ITFG1: variants seen among roughly 807,000 people sequenced by gnomAD.
ITFG1 encodes the protein integrin alpha FG-GAP repeat containing 1, also known as T-cell immunomodulatory protein.
In ITFG1, 34 loss-of-function variants were observed where a neutral mutation model predicts 81.8. The observed-to-expected ratio is 0.42, with a 90% CI of 0.32 to 0.55. The LOEUF is 0.55. Ranked by LOEUF, ITFG1 falls within the 20% of genes least tolerant of loss-of-function variation. The pLI is 0.17. For missense variants in ITFG1, 672 were observed against 755.4 expected (o/e 0.89, Z 1.29); for synonymous variants, 285 against 270.6 (o/e 1.05, Z -0.52).
intron 13 of ITFG1, among the ~76,000 whole-genome samples, chr16:47,219,965 G>A (rs944635565): frequency 6.6e-6 from 1 of 152,214 alleles, no homozygotes; most frequent in Non-Finnish European, 1.5e-5. Flanking sequence ...GTGGAAAGAT[G>A]AATATTACGC....
intron 6 of ITFG1, among the ~76,000 whole-genome samples, chr16:47,408,037 T>A (rs34535698): frequency 6.6e-6 from 1 of 152,004 alleles, no homozygotes; most frequent in Non-Finnish European, 1.5e-5. Flanking sequence ...GAAATTCCAC[T>A]GCATTTTAAA....
In ITFG1 at chr16:47,269,920, AG is replaced by A. The variant is rs1966319439; in HGVS notation, c.1071-9226del. 2.0e-5 allele frequency among the ~76,000 whole-genome samples: 3 copies of A among 152,358 alleles called. No individual in the cohort carries two copies. The South Asian group carries it at 6.2e-4, about 32-fold the overall frequency. On this transcript the variant is annotated intron_variant, in intron 10 of 17. Coordinates refer to ENST00000320640, the MANE Select transcript of ITFG1 (RefSeq NM_030790.5). ...GTAATCAAGTGTGGTACTGCCACAAAGATGGACAATAGATCATGGGAACAGA... is the reference window on the plus strand; with the variant it reads ...GTAATCAAGTGTGGTACTGCCACAAAATGGACAATAGATCATGGGAACAGA...
At chr16:47,220,364 G>A (rs1331328883) in intron 13 of ITFG1, among the ~76,000 whole-genome samples, 1 of 152,226 alleles carries the variant, frequency 6.6e-6, no homozygotes, top group African/African-American at 2.4e-5. Context: ...AAACAAAGAC[G>A]TGGGTAATTA....
At chr16:47,452,649 A>G (rs1969403399) in intron 4 of ITFG1, 84 bp downstream of exon 4, 3 of 849,750 alleles carry the variant, frequency 3.5e-6, no homozygotes, top group African/African-American at 1.8e-5. Flanking sequence ...TATTTTTATT[A>G]CTAAGCAAAG....
At position 47,215,677 on chromosome 16, in the gene ITFG1, G is replaced by A. The variant is rs192830171; in HGVS notation, c.1453+3191C>T. Among the ~76,000 whole-genome samples, 1,063 of 152,110 alleles carry A rather than the reference G, an allele frequency of 7.0e-3. 8 individuals are homozygous for A. Among genetic ancestry groups the A allele is most frequent in the Non-Finnish European group, 0.011 (739 of 67,988 alleles). ...TACACACAGACACACTTAAAATAAC[G>A]CACATACAATTTGGATTTTACATGC... On this transcript the variant is annotated intron_variant, in intron 14 of 17. Transcript: ENST00000320640.
chr16:47,309,099 T>G (rs1374897198), intron 10 of ITFG1, among the ~76,000 whole-genome samples: 1 of 151,122 alleles, frequency 6.6e-6, no homozygotes, highest in African/African-American at 2.4e-5. Flanking sequence ...GATGGCGTCT[T>G]GCTCTGTCGC....
intron 13 of ITFG1, among the ~76,000 whole-genome samples, chr16:47,230,316 G>T (rs922137146): frequency 2.0e-5 from 3 of 152,288 alleles, no homozygotes; most frequent in Middle Eastern, 3.4e-3. Context: ...GAGTGTTTCG[G>T]TAAGTGTTGG....
At chr16:47,441,789 T>C (rs1596987192) in intron 5 of ITFG1, among the ~76,000 whole-genome samples, 1 of 152,204 alleles carries the variant, frequency 6.6e-6, no homozygotes, top group South Asian at 2.1e-4. Flanking sequence ...ATGCCCTCTC[T>C]CACCACTCCT....
intron 5 of ITFG1, among the ~76,000 whole-genome samples, chr16:47,444,254 TAA>T (rs1969293559): frequency 6.6e-6 from 1 of 152,194 alleles, no homozygotes; most frequent in Non-Finnish European, 1.5e-5. Context: ...GTTATAAAAA[TAA>T]GATTGTAAAG....
rs555702008 is a variant in ITFG1 at position 47,236,392 on chromosome 16, G to A, written c.1374+1573C>T. Among the ~76,000 whole-genome samples the A allele has an allele frequency of 1.6e-3, 242 of 151,502 alleles. 1 individual carries two copies. Among genetic ancestry groups the A allele is most frequent in the Non-Finnish European group, 2.9e-3 (197 of 67,856 alleles). Reference sequence around the variant, plus strand: ...CGGGAGGCTGAGGCAGGAGAATGGCGTGAGCCCCGGAGGCGGAGCTTGCAG... The same window carrying A: ...CGGGAGGCTGAGGCAGGAGAATGGCATGAGCCCCGGAGGCGGAGCTTGCAG... On this transcript the variant is annotated intron_variant, in intron 13 of 17. Transcript: ENST00000320640.
intron 10 of ITFG1, among the ~76,000 whole-genome samples, chr16:47,289,516 A>C (rs1344476589): frequency 6.6e-6 from 1 of 152,034 alleles, no homozygotes; most frequent in Non-Finnish European, 1.5e-5. Flanking sequence ...ATTCAGGATT[A>C]AATCTCATTA....
At chr16:47,347,583 A>C (rs996032288) in intron 8 of ITFG1, among the ~76,000 whole-genome samples, 1 of 152,230 alleles carries the variant, frequency 6.6e-6, no homozygotes. Flanking sequence ...CAGCTCAAGG[A>C]GGCCTGCCTG....
chr16:47,224,011 A>G (rs1965728186), intron 13 of ITFG1, among the ~76,000 whole-genome samples: 2 of 145,220 alleles, frequency 1.4e-5, no homozygotes, highest in African/African-American at 5.1e-5. Flanking sequence ...TGGGAATTGA[A>G]CAATGAGAAC....
intron 14 of ITFG1, among the ~76,000 whole-genome samples, chr16:47,190,443 A>G (rs1965278387): frequency 6.6e-6 from 1 of 152,236 alleles, no homozygotes; most frequent in East Asian, 1.9e-4. Context: ...CTAGCTGTCA[A>G]TAGACATAAA....
chr16:47,285,639 G>A (rs1464399116), intron 10 of ITFG1, among the ~76,000 whole-genome samples: 1 of 152,144 alleles, frequency 6.6e-6, no homozygotes, highest in African/African-American at 2.4e-5. Context: ...CCCAGCTGGT[G>A]TCTGCTGCTT....
chr16:47,429,826 A>T (rs1334109973), intron 5 of ITFG1, among the ~76,000 whole-genome samples: 1 of 152,088 alleles, frequency 6.6e-6, no homozygotes, highest in African/African-American at 2.4e-5. Flanking sequence ...CCATTCATCC[A>T]TCCATCCATT....
chr16:47,405,088 G>A (rs1470205204), intron 6 of ITFG1, among the ~76,000 whole-genome samples: 2 of 151,516 alleles, frequency 1.3e-5, no homozygotes, highest in East Asian at 3.9e-4. Flanking sequence ...TCATTATATT[G>A]TAATGACATC....
At chr16:47,162,413 A>T in intron 15 of ITFG1, 127 bp downstream of exon 15, 2 of 827,178 alleles carry the variant, frequency 2.4e-6, no homozygotes, top group Non-Finnish European at 3.5e-6. Context: ...TTTATTCTTT[A>T]AAGGGAATAA....
At chr16:47,209,039 T>A (rs1444413583) in intron 14 of ITFG1, among the ~76,000 whole-genome samples, 1 of 152,114 alleles carries the variant, frequency 6.6e-6, no homozygotes, top group Admixed American at 6.5e-5. Context: ...TAAGGAAGAT[T>A]GAAAAAATTG....
Sources: allele counts gnomAD v4.1 joint callset (sites outside exome capture counted in the v4.1 genomes callset), GRCh38; gene constraint gnomAD v4.1.1; transcripts MANE v1.5; gene names NCBI Gene and HGNC (gene_info 2026-07-23, HGNC 2026-07-21).